Variants in HYDIN observed in about 807,000 individuals in gnomAD.
HYDIN encodes the protein axonemal central pair apparatus protein HYDIN.
Under a neutral mutation model 403.9 loss-of-function variants are expected in HYDIN, and 132 were observed. That is an observed-to-expected ratio of 0.33 (90% CI 0.28 to 0.38). The LOEUF is 0.38. Ranked by LOEUF, HYDIN falls within the 10% of genes least tolerant of loss-of-function variation. HYDIN has a pLI of 1.00. For missense variants in HYDIN, 2,827 were observed against 5,009.5 expected (o/e 0.56, Z 13.15); for synonymous variants, 1,202 against 1,891.7 (o/e 0.64, Z 9.46).
intron 18 of HYDIN, among the ~76,000 whole-genome samples, chr16:71,032,378 G>A (rs1439442780): frequency 6.7e-6 from 1 of 149,390 alleles, no homozygotes; most frequent in Non-Finnish European, 1.5e-5. Flanking sequence ...TAGTGTTATA[G>A]TGAGGATGAA....
chr16:71,063,738 T>C (rs1443082710), intron 16 of HYDIN, among the ~76,000 whole-genome samples: 3 of 152,186 alleles, frequency 2.0e-5, no homozygotes, highest in Admixed American at 6.6e-5. Context: ...AGCTGTGTTA[T>C]CCTAGCTAAT....
intron 1 of HYDIN, among the ~76,000 whole-genome samples, chr16:71,209,362 C>A (rs948654897): frequency 2.6e-5 from 4 of 151,340 alleles, no homozygotes; most frequent in African/African-American, 7.3e-5. Flanking sequence ...TGTTGAAAAC[C>A]ATCACTAAAC....
At chr16:71,052,393 G>A (rs902323748) in intron 18 of HYDIN, among the ~76,000 whole-genome samples, 1 of 152,026 alleles carries the variant, frequency 6.6e-6, no homozygotes, top group African/African-American at 2.4e-5. Context: ...ATGAAAAAAG[G>A]AAAGAGTATG....
intron 43 of HYDIN, among the ~76,000 whole-genome samples, chr16:70,940,320 C>T (rs1056489288): frequency 3.7e-4 from 56 of 151,544 alleles, no homozygotes; most frequent in Non-Finnish European, 7.2e-4. Flanking sequence ...GACTCAGACA[C>T]CTGCATTTGA....
At chr16:71,205,093 T>C (rs1157754725) in intron 1 of HYDIN, among the ~76,000 whole-genome samples, 1 of 152,198 alleles carries the variant, frequency 6.6e-6, no homozygotes, top group Non-Finnish European at 1.5e-5. Context: ...ATCTGGGCCT[T>C]GGTTTTGGTG....
chr16:70,920,778 C>T lies in HYDIN; in HGVS notation c.7598G>A (p.Arg2533Gln), dbSNP rs572307208. The T allele has an allele frequency of 4.0e-5, 62 of 1,559,664 alleles. No homozygotes were observed. The highest frequency in any genetic ancestry group is 3.4e-4 in the East Asian group (14 of 41,618). The change falls in exon 46 of 86, where the codon CGG (arginine) becomes CAG (glutamine). Residue 2533 changes from arginine to glutamine, a missense_variant. Transcript: ENST00000393567. ...GGCTCGCAGCTTCTCCAGGCGCTCC[C>T]GCTCCGCCTTCTCCCTCTCCAGGCG... The part of the protein sequence containing the change: ...KERLEREKAE[R>Q]ERLEKLRALE...
At chr16:71,161,392 A>G (rs1270519968) in intron 6 of HYDIN, among the ~76,000 whole-genome samples, 2 of 152,206 alleles carry the variant, frequency 1.3e-5, no homozygotes, top group Non-Finnish European at 2.9e-5. Context: ...AAGGCCACGG[A>G]CTGGACCGGT....
chr16:71,009,756 G>T (rs1262244843), intron 23 of HYDIN, among the ~76,000 whole-genome samples: 1 of 125,092 alleles, frequency 8.0e-6, no homozygotes, highest in African/African-American at 4.0e-5. Flanking sequence ...GAAGGGGATG[G>T]TATGCAGTCA....
At chr16:70,894,596 G>A in intron 54 of HYDIN, 48 bp from the exon 55 acceptor site, 1 of 1,128,256 alleles carries the variant, frequency 8.9e-7, no homozygotes, top group Non-Finnish European at 1.2e-6. Flanking sequence ...GGGCATGAGA[G>A]TGGGAAGCAG....
intron 1 of HYDIN, among the ~76,000 whole-genome samples, chr16:71,200,739 T>C (rs1262821004): frequency 6.6e-6 from 1 of 152,174 alleles, no homozygotes; most frequent in Non-Finnish European, 1.5e-5. Flanking sequence ...TCTCTGAACT[T>C]TATCAAATTC....
intron 1 of HYDIN, among the ~76,000 whole-genome samples, chr16:71,229,348 T>C (rs1008043833): frequency 5.3e-5 from 8 of 152,166 alleles, no homozygotes; most frequent in African/African-American, 1.9e-4. Flanking sequence ...GCTAACAAGG[T>C]TGCAATTTGG....
chr16:71,197,432 C>A (rs1439920098), intron 1 of HYDIN, among the ~76,000 whole-genome samples: 1 of 152,170 alleles, frequency 6.6e-6, no homozygotes, highest in Non-Finnish European at 1.5e-5. Context: ...TGGTTCACAT[C>A]TCTAAGTGAA....
chr16:70,921,244 C>T (rs772731841), intron 45 of HYDIN, 27 bp from the exon 46 acceptor site: 17 of 1,512,542 alleles, frequency 1.1e-5, no homozygotes, highest in African/African-American at 2.8e-5. Context: ...AGAAAAGATG[C>T]GTCAAACAGT....
chr16:70,914,355 T>C (rs1341578698), intron 47 of HYDIN, among the ~76,000 whole-genome samples: 1 of 152,212 alleles, frequency 6.6e-6, no homozygotes, highest in East Asian at 1.9e-4. Context: ...CTCTCAGCAT[T>C]TGTTTGTCTG....
intron 83 of HYDIN, among the ~76,000 whole-genome samples, chr16:70,821,866 T>C (rs1448316675): frequency 6.6e-6 from 1 of 152,156 alleles, no homozygotes; most frequent in Non-Finnish European, 1.5e-5. Context: ...AATTACAGGG[T>C]GGCTTACTGA....
chr16:71,109,066 T>C (rs1373785995), intron 10 of HYDIN, among the ~76,000 whole-genome samples: 1 of 152,028 alleles, frequency 6.6e-6, no homozygotes, highest in Non-Finnish European at 1.5e-5. Flanking sequence ...TTAGTAACTT[T>C]AATTCCATCT....
rs770016484 is a variant in HYDIN, at chr16:71,175,647, G to A, written c.476C>T (p.Pro159Leu). ...DIGHKVAPGVPSIFRILFTPE... is the reference protein window; with the variant it reads ...DIGHKVAPGVLSIFRILFTPE... ...AGTAAAGAGGATTCGGAATATGGAAGGCACTCCAGGAGCCACTTTGTGGCC... is the reference window on the plus strand; with the variant it reads ...AGTAAAGAGGATTCGGAATATGGAAAGCACTCCAGGAGCCACTTTGTGGCC... The change falls in exon 5 of 86, where the codon CCT (proline) becomes CTT (leucine). Residue 159 changes from proline to leucine, a missense_variant. Transcript: ENST00000393567. 1 of 1,614,110 alleles carries A rather than the reference G, an allele frequency of 6.2e-7. No individual in the cohort carries two copies. The highest frequency in any genetic ancestry group is 1.1e-5 in the South Asian group (1 of 91,084).
At chr16:71,188,739 T>G (rs75125685) in intron 1 of HYDIN, among the ~76,000 whole-genome samples, 2 of 152,264 alleles carry the variant, frequency 1.3e-5, no homozygotes, top group African/African-American at 4.8e-5. Flanking sequence ...CATAAAAGAT[T>G]TGAATGACAT....
intron 75 of HYDIN, among the ~76,000 whole-genome samples, chr16:70,844,536 T>C (rs1396768613): frequency 7.1e-6 from 1 of 140,088 alleles, no homozygotes; most frequent in Non-Finnish European, 1.5e-5. Flanking sequence ...GGCTCTTTTT[T>C]GGTTCCATAT....
Sources: gnomAD v4.1 joint callset for allele counts (sites outside exome capture counted in the v4.1 genomes callset) on GRCh38, gnomAD v4.1.1 for gene constraint, MANE v1.5 for transcripts, NCBI Gene and HGNC (gene_info 2026-07-23, HGNC 2026-07-21) for gene names.